NCAM2: variants seen among roughly 807,000 people sequenced by gnomAD.
NCAM2 encodes the protein neural cell adhesion molecule 2.
NCAM2 carries 30 observed loss-of-function variants against 98.1 expected under a neutral mutation model. The ratio of observed to expected loss-of-function variants is 0.31; its 90% CI spans 0.23 to 0.41. NCAM2 has a LOEUF of 0.41. NCAM2 is among the 10% of genes least tolerant of loss of function. The pLI is 1.00. For synonymous variants in NCAM2, 368 were observed against 342.4 expected, an observed-to-expected ratio of 1.07 and a Z score of -0.83; for missense variants, 867 against 1,005.8, an observed-to-expected ratio of 0.86 and a Z score of 1.87.
intron 1 of NCAM2, among the ~76,000 whole-genome samples, chr21:21,003,029 A>G (rs2064048441): frequency 6.6e-6 from 1 of 152,176 alleles, no homozygotes; most frequent in South Asian, 2.1e-4. Flanking sequence ...TAATTGTTCA[A>G]CAAATAAAAG....
intron 1 of NCAM2, among the ~76,000 whole-genome samples, chr21:21,191,747 C>A (rs1264063906): frequency 2.0e-5 from 3 of 152,128 alleles, no homozygotes; most frequent in Non-Finnish European, 2.9e-5. Flanking sequence ...TGAGTTTCTT[C>A]TGTGCAGCAG....
intron 1 of NCAM2, among the ~76,000 whole-genome samples, chr21:21,030,171 C>T (rs2064648750): frequency 6.6e-6 from 1 of 152,124 alleles, no homozygotes; most frequent in Non-Finnish European, 1.5e-5. Context: ...CTATCCTAAG[C>T]ATTAGCCATG....
intron 15 of NCAM2, 138 bp downstream of exon 15, chr21:21,477,609 T>C (rs1985333990): frequency 2.8e-6 from 2 of 722,678 alleles, no homozygotes; most frequent in Non-Finnish European, 4.2e-6. Context: ...TTGTGACATA[T>C]CATACACAAA....
chr21:21,350,408 T>C (rs1215425262), intron 8 of NCAM2, among the ~76,000 whole-genome samples: 1 of 152,186 alleles, frequency 6.6e-6, no homozygotes, highest in African/African-American at 2.4e-5. Flanking sequence ...CACAATTTTA[T>C]ACTACAATCC....
At chr21:21,138,209 G>C (rs1460370456) in intron 1 of NCAM2, among the ~76,000 whole-genome samples, 2 of 152,156 alleles carry the variant, frequency 1.3e-5, no homozygotes, top group Non-Finnish European at 2.9e-5. Flanking sequence ...TTCACTGATT[G>C]TAAGGCTGAA....
At position 21,076,655 on chromosome 21, in the gene NCAM2, A is replaced by G. The variant is rs550342850; in HGVS notation, c.55+78037A>G. Among the ~76,000 whole-genome samples, 11 of 152,308 alleles carry G rather than the reference A, an allele frequency of 7.2e-5. No homozygotes were observed. In the South Asian group the frequency reaches 1.2e-3, roughly 17 times the overall value. The stretch of plus-strand genomic sequence containing the variant: ...GAATCTTCCTGATATTCACTAGTAC[A>G]TATAAGTCACGAAGTTTAGTTTGTA... On this transcript the variant is annotated intron_variant, in intron 1 of 17. Coordinates refer to ENST00000400546, the MANE Select transcript of NCAM2 (RefSeq NM_004540.5).
chr21:21,179,031 A>G (rs907483200), intron 1 of NCAM2, among the ~76,000 whole-genome samples: 2 of 152,132 alleles, frequency 1.3e-5, no homozygotes, highest in Non-Finnish European at 2.9e-5. Context: ...GGGCTAACAC[A>G]TAAATTCTAA....
intron 1 of NCAM2, among the ~76,000 whole-genome samples, chr21:21,161,277 A>G (rs940084946): frequency 6.6e-6 from 1 of 152,074 alleles, no homozygotes; most frequent in Non-Finnish European, 1.5e-5. Flanking sequence ...TAAGACGGAA[A>G]AAGGACTAAG....
chr21:21,025,907 T>C (rs746379362), intron 1 of NCAM2, among the ~76,000 whole-genome samples: 17 of 152,224 alleles, frequency 1.1e-4, no homozygotes, highest in Admixed American at 3.9e-4. Context: ...AAATTGATAA[T>C]GCCTTTGGGC....
At chr21:21,089,305 AT>A (rs1277823311) in intron 1 of NCAM2, among the ~76,000 whole-genome samples, 1 of 152,116 alleles carries the variant, frequency 6.6e-6, no homozygotes, top group Non-Finnish European at 1.5e-5. Flanking sequence ...ATCGAAAAGA[AT>A]TTTGCTGTTC....
intron 1 of NCAM2, among the ~76,000 whole-genome samples, chr21:21,056,566 A>AAT (rs375410557): frequency 1.3e-5 from 2 of 150,502 alleles, no homozygotes; most frequent in East Asian, 2.0e-4. Flanking sequence ...AGAGAGTGAG[A>AAT]GAGAGAGATA....
At chr21:21,296,929 CA>C (rs1301461944) in intron 5 of NCAM2, among the ~76,000 whole-genome samples, 1 of 151,464 alleles carries the variant, frequency 6.6e-6, no homozygotes, top group Non-Finnish European at 1.5e-5. Context: ...TTGCAAGAGA[CA>C]TTATGGTAGA....
chr21:21,361,112 T>C (rs536791333), intron 8 of NCAM2, among the ~76,000 whole-genome samples: 37 of 152,126 alleles, frequency 2.4e-4, no homozygotes, highest in Non-Finnish European at 4.1e-4. Flanking sequence ...TGAGTTTTCA[T>C]GTGGAGTCTG....
intron 2 of NCAM2, among the ~76,000 whole-genome samples, chr21:21,281,034 G>T (rs973158440): frequency 7.2e-5 from 11 of 151,938 alleles, no homozygotes; most frequent in African/African-American, 2.4e-5. Context: ...CAAGTGATCC[G>T]CCCGCCTTGG....
At chr21:21,143,959 T>C (rs183283693) in intron 1 of NCAM2, among the ~76,000 whole-genome samples, 2 of 152,220 alleles carry the variant, frequency 1.3e-5, no homozygotes, top group East Asian at 3.9e-4. Flanking sequence ...CAATGTGTTA[T>C]TTGTTTCACA....
chr21:21,102,297 T>C (rs917932021), intron 1 of NCAM2, among the ~76,000 whole-genome samples: 1 of 152,046 alleles, frequency 6.6e-6, no homozygotes, highest in Admixed American at 6.6e-5. Flanking sequence ...GTAAAAAAAG[T>C]ACAATTTTTA....
chr21:21,466,625 C>T lies in NCAM2; in HGVS notation c.1674C>T (p.Asn558=), dbSNP rs1602424232. The T allele has an allele frequency of 6.2e-7, 1 of 1,602,088 alleles. No individual in the cohort carries two copies. The highest frequency in any genetic ancestry group is 8.5e-7 in the Non-Finnish European group (1 of 1,173,132). The change falls in exon 13 of 18, where the codon AAC becomes AAT. Residue 558 remains asparagine (N), a synonymous_variant. Coordinates refer to ENST00000400546, the MANE Select transcript of NCAM2 (RefSeq NM_004540.5). ...TTCTAGCAATGGTTGTTTTGAACAA[C>T]CTGGAACCAAATACAACTTATGAAA... ...HGVQTMVVLN[N]LEPNTTYEIR...
At chr21:21,335,385 C>A (rs985229689) in intron 6 of NCAM2, 120 bp from the exon 7 acceptor site, 17 of 624,734 alleles carry the variant, frequency 2.7e-5, no homozygotes, top group Non-Finnish European at 3.5e-5. Flanking sequence ...TGGAATATAG[C>A]CCTGTCTTTC....
At chr21:21,162,939 C>T (rs1436910765) in intron 1 of NCAM2, among the ~76,000 whole-genome samples, 1 of 152,092 alleles carries the variant, frequency 6.6e-6, no homozygotes, top group Non-Finnish European at 1.5e-5. Context: ...AGAAATTTGG[C>T]AGTTCCTGTG....
Sources: allele counts gnomAD v4.1 joint callset (sites outside exome capture counted in the v4.1 genomes callset), GRCh38; gene constraint gnomAD v4.1.1; transcripts MANE v1.5; gene names NCBI Gene and HGNC (gene_info 2026-07-23, HGNC 2026-07-21).